The following RAB18 variants were observed in gnomAD, a reference collection of about 807,000 sequenced individuals.
RAB18 encodes ras-related protein Rab-18.
A neutral mutation model predicts 28.5 loss-of-function variants in RAB18; 10 were observed. That is an observed-to-expected ratio of 0.35 (90% confidence interval 0.22 to 0.60). The LOEUF is 0.60. Among genes scored for constraint, RAB18 ranks in the 20% least tolerant of loss-of-function variants. The pLI is 0.78. For missense variants in RAB18, 188 were observed against 244.2 expected (o/e 0.77, Z 1.53); for synonymous variants, 93 against 86.9 (o/e 1.07, Z -0.39).
intron 2 of RAB18, among the ~76,000 whole-genome samples, chr10:27,516,574 A>G (rs968515389): frequency 6.6e-6 from 1 of 152,024 alleles, no homozygotes; most frequent in Non-Finnish European, 1.5e-5. Context: ...AAAAAAAAAA[A>G]AAGAGAGAAA....
intron 1 of RAB18, 66 bp from the exon 2 acceptor site, chr10:27,509,809 T>C (rs1159038550): frequency 3.1e-6 from 4 of 1,295,698 alleles, no homozygotes; most frequent in Non-Finnish European, 4.5e-6. Context: ...CAAATAATCA[T>C]GAACACATTT....
chr10:27,528,302 AT>A (rs774516034), intron 3 of RAB18: 4 of 497,408 alleles, frequency 8.0e-6, no homozygotes, highest in Admixed American at 2.1e-5. Flanking sequence ...GCCTATAAAC[AT>A]TTTTTAAAGA....
intron 1 of RAB18, among the ~76,000 whole-genome samples, chr10:27,507,612 C>G (rs2138965002): frequency 6.7e-6 from 1 of 149,318 alleles, no homozygotes; most frequent in South Asian, 2.1e-4. Flanking sequence ...TATAATCACA[C>G]TCTGTTTATT....
In RAB18 at chr10:27,542,205, T is replaced by C. The variant is rs969035994; in HGVS notation, c.*4154T>C. 1.3e-5 allele frequency: 6 copies of C among 454,032 alleles called. No homozygotes were observed. The highest frequency in any genetic ancestry group is 3.1e-5 in the South Asian group (2 of 64,486). The allele number at this position is 454,032 out of a possible 1,614,324, so 28.1% of individuals were successfully genotyped here. ...AGATCTATTTCTCAGCTTTCACTTA[T>C]GTGAGCCAATAAATTCCTTTTTTGT... On this transcript the variant is annotated 3_prime_UTR_variant, in exon 7 of 7. Coordinates refer to ENST00000356940, the MANE Select transcript of RAB18 (RefSeq NM_021252.5).
In RAB18 at chr10:27,538,842, C is replaced by A. The variant is rs1464946257; in HGVS notation, c.*791C>A. The A allele has an allele frequency of 2.2e-6, 1 of 454,002 alleles. No individual in the cohort carries two copies. Among genetic ancestry groups the A allele is most frequent in the Admixed American group, 2.4e-5 (1 of 42,552 alleles). The allele number at this position is 454,002 out of a possible 1,614,324, so 28.1% of individuals were successfully genotyped here. ...AGTGTGTTTATTGTAACTCCTCATA[C>A]ACTTTTAAAACCAACATCTTTTTTC... On this transcript the variant is annotated 3_prime_UTR_variant, in exon 7 of 7. Coordinates refer to ENST00000356940, the MANE Select transcript of RAB18 (RefSeq NM_021252.5).
chr10:27,530,686 CTTA>C (rs949344298), intron 3 of RAB18, among the ~76,000 whole-genome samples: 2 of 151,916 alleles, frequency 1.3e-5, no homozygotes, highest in Admixed American at 6.6e-5. Context: ...TTTCTAGTTT[CTTA>C]TTATATATAT....
chr10:27,513,015 C>CATATATATATATAT (rs764170485), intron 2 of RAB18, among the ~76,000 whole-genome samples: 1 of 138,128 alleles, frequency 7.2e-6, no homozygotes, highest in African/African-American at 2.7e-5. Flanking sequence ...TAGGTAATAA[C>CATATATATATATAT]ATATATATAT....
chr10:27,506,876 A>G (rs1026958117), intron 1 of RAB18, among the ~76,000 whole-genome samples: 4 of 151,922 alleles, frequency 2.6e-5, no homozygotes, highest in African/African-American at 9.7e-5. Context: ...TTTTTCCTCA[A>G]TACGTAGCAA....
rs377453927 is a variant in RAB18 at position 27,510,278 on chromosome 10, G to T, written c.124+348G>T. On this transcript the variant is annotated intron_variant, in intron 2 of 6. Coordinates refer to ENST00000356940, the MANE Select transcript of RAB18 (RefSeq NM_021252.5). ...TGTATGCCAGGGACTGCTACTAAGA[G>T]GAGGGGTTATAATAGTGAATAACAA... The T allele has an allele frequency of 1.2e-4, 40 of 329,404 alleles. 1 individual carries two copies. Among genetic ancestry groups the T allele is most frequent in the South Asian group, 1.0e-3 (36 of 36,044 alleles). The allele number at this position is 329,404 out of a possible 1,614,324, so 20.4% of individuals were successfully genotyped here. A position where few individuals can be genotyped will look rare whatever the true frequency, so the allele number is the denominator to read the frequency against.
At position 27,539,061 on chromosome 10, in the gene RAB18, G is replaced by C. The variant is rs1180262330; in HGVS notation, c.*1010G>C. ...TTGCTTCCAGATTCTGATGTGTGAG[G>C]GAAAATACTGTCACAATGAAAATCT... On this transcript the variant is annotated 3_prime_UTR_variant, in exon 7 of 7. Transcript: ENST00000356940. The C allele has an allele frequency of 2.3e-6, 1 of 427,268 alleles. No homozygotes were observed. Among genetic ancestry groups the C allele is most frequent in the Non-Finnish European group, 4.7e-6 (1 of 213,222 alleles). The allele number at this position is 427,268 out of a possible 1,614,324, so 26.5% of individuals were successfully genotyped here. A position where few individuals can be genotyped will look rare whatever the true frequency, so the allele number is the denominator to read the frequency against.
chr10:27,505,173 A>G, intron 1 of RAB18: 1 of 530,670 alleles, frequency 1.9e-6, no homozygotes, highest in South Asian at 1.4e-5. Flanking sequence ...TAATATTGAC[A>G]GTGGAGTTGA....
chr10:27,538,763 T>TA lies in RAB18; in HGVS notation c.*712_*713insA, dbSNP rs1834955729. ...TGCAGCATTTTTAGTTATGTGGTGT[T>TA]TGGCAGAATGACAATAAGGTTTTCC... On this transcript the variant is annotated 3_prime_UTR_variant, in exon 7 of 7. Transcript: ENST00000356940. The TA allele has an allele frequency of 2.2e-6, 1 of 454,110 alleles. No individual in the cohort carries two copies. Among genetic ancestry groups the TA allele is most frequent in the Admixed American group, 2.3e-5 (1 of 42,578 alleles). 28.1% of individuals were successfully genotyped at this position (454,110 alleles called of 1,614,324 possible).
At chr10:27,536,253 G>A (rs962262184) in intron 6 of RAB18, among the ~76,000 whole-genome samples, 1 of 152,114 alleles carries the variant, frequency 6.6e-6, no homozygotes. Context: ...ACATTTTTCC[G>A]ATAACCGGTG....
chr10:27,511,999 A>G (rs1209102685), intron 2 of RAB18, among the ~76,000 whole-genome samples: 1 of 151,932 alleles, frequency 6.6e-6, no homozygotes, highest in African/African-American at 2.4e-5. Flanking sequence ...TGTGTTGCCC[A>G]GGCTGGCCTG....
chr10:27,539,934 G>A lies in RAB18; in HGVS notation c.*1883G>A. 2.2e-6 allele frequency: 1 copy of A among 453,026 alleles called. No homozygotes were observed. 28.1% of individuals were successfully genotyped at this position (453,026 alleles called of 1,614,324 possible). A position where few individuals can be genotyped will look rare whatever the true frequency, so the allele number is the denominator to read the frequency against. ...TATGTGGCTTTCATTTTGTTGTTTT[G>A]TTGCAAGCTTAGTGTTTTGTAGTGG... On this transcript the variant is annotated 3_prime_UTR_variant, in exon 7 of 7. Coordinates refer to ENST00000356940, the MANE Select transcript of RAB18 (RefSeq NM_021252.5).
At position 27,535,535 on chromosome 10, in the gene RAB18, T is replaced by C. The variant is rs1834876631; in HGVS notation, c.445+1541T>C. 2.6e-5 allele frequency among the ~76,000 whole-genome samples: 4 copies of C among 152,000 alleles called. No homozygotes were observed. In the South Asian group the frequency reaches 8.3e-4, roughly 32 times the overall value. On this transcript the variant is annotated intron_variant, in intron 6 of 6. Transcript: ENST00000356940. The stretch of plus-strand genomic sequence containing the variant: ...AGATGCCATTCAAATGGTAAAGAGA[T>C]GGATTGTATTCCAATTGTGGTGGAA...
chr10:27,535,084 T>G (rs1834866287), intron 6 of RAB18, among the ~76,000 whole-genome samples: 1 of 152,088 alleles, frequency 6.6e-6, no homozygotes, highest in Non-Finnish European at 1.5e-5. Context: ...AGAGAATGAC[T>G]GGAGTGGGGA....
intron 2 of RAB18, among the ~76,000 whole-genome samples, chr10:27,515,073 TATCTC>T (rs2138984203): frequency 6.6e-6 from 1 of 152,242 alleles, no homozygotes; most frequent in Admixed American, 6.5e-5. Context: ...CCTGCAAAAA[TATCTC>T]GACCAGTTTT....
chr10:27,521,877 G>A (rs1458350933), intron 2 of RAB18, among the ~76,000 whole-genome samples: 1 of 151,704 alleles, frequency 6.6e-6, no homozygotes, highest in African/African-American at 2.4e-5. Flanking sequence ...GTATATGGGA[G>A]GATTTAAAAA....
Sources: allele counts gnomAD v4.1 joint callset (sites outside exome capture counted in the v4.1 genomes callset), GRCh38; gene constraint gnomAD v4.1.1; transcripts MANE v1.5; gene names NCBI Gene and HGNC (gene_info 2026-07-23, HGNC 2026-07-21).